The following ANTXR2 variants were observed in gnomAD, a reference collection of about 807,000 sequenced individuals.
ANTXR2 encodes the protein anthrax toxin receptor 2.
Under a neutral mutation model 73.7 loss-of-function variants are expected in ANTXR2, and 44 were observed. That is an observed-to-expected ratio of 0.60 (90% CI 0.47 to 0.77). ANTXR2 has a LOEUF of 0.77. ANTXR2 is among the 30% of genes least tolerant of loss of function. The pLI is 0.00. For missense variants in ANTXR2, 604 were observed against 592.5 expected (o/e 1.02, Z -0.20); for synonymous variants, 217 against 205.9 (o/e 1.05, Z -0.46).
At chr4:79,948,934 C>A (rs997239987) in intron 16 of ANTXR2, among the ~76,000 whole-genome samples, 13 of 152,130 alleles carry the variant, frequency 8.5e-5, no homozygotes, top group African/African-American at 2.9e-4. Flanking sequence ...ATCATCATTT[C>A]TTTGAGTCAG....
At chr4:80,000,504 A>G (rs1578143144) in intron 12 of ANTXR2, among the ~76,000 whole-genome samples, 1 of 152,110 alleles carries the variant, frequency 6.6e-6, no homozygotes, top group Non-Finnish European at 1.5e-5. Flanking sequence ...TGCCTGGTTT[A>G]CAATGATAGG....
intron 7 of ANTXR2, among the ~76,000 whole-genome samples, chr4:80,044,033 C>T (rs1488167322): frequency 6.6e-6 from 1 of 151,886 alleles, no homozygotes; most frequent in Non-Finnish European, 1.5e-5. Context: ...AGGTTGAGAA[C>T]CAACGCTAAG....
At chr4:80,013,798 A>G (rs951205730) in intron 11 of ANTXR2, among the ~76,000 whole-genome samples, 1 of 151,282 alleles carries the variant, frequency 6.6e-6, no homozygotes, top group East Asian at 1.9e-4. Flanking sequence ...TCACTACCAC[A>G]GGCAACAGGA....
At chr4:79,916,757 AT>A (rs1373181291) in intron 16 of ANTXR2, among the ~76,000 whole-genome samples, 1 of 152,132 alleles carries the variant, frequency 6.6e-6, no homozygotes, top group Non-Finnish European at 1.5e-5. Flanking sequence ...TCTATACACC[AT>A]TGTGGAGTGA....
At chr4:79,998,366 A>G (rs1011900760) in intron 12 of ANTXR2, among the ~76,000 whole-genome samples, 16 of 152,110 alleles carry the variant, frequency 1.1e-4, no homozygotes, top group Admixed American at 3.9e-4. Flanking sequence ...GCAAGTGAAC[A>G]TTTGTCATTT....
intron 3 of ANTXR2, among the ~76,000 whole-genome samples, chr4:80,062,131 A>C (rs1022794947): frequency 6.6e-6 from 1 of 152,190 alleles, no homozygotes; most frequent in African/African-American, 2.4e-5. Context: ...TGTCATTCTA[A>C]TGCCAACATA....
At chr4:79,912,886 T>C (rs146106980) in intron 16 of ANTXR2, among the ~76,000 whole-genome samples, 1 of 152,158 alleles carries the variant, frequency 6.6e-6, no homozygotes, top group African/African-American at 2.4e-5. Flanking sequence ...AAAAATATGA[T>C]ATGATTGTAA....
chr4:80,031,189 G>T (rs933844073), intron 10 of ANTXR2, among the ~76,000 whole-genome samples: 1 of 151,832 alleles, frequency 6.6e-6, no homozygotes, highest in African/African-American at 2.4e-5. Context: ...CCATGTTCTT[G>T]AGGCACTTTA....
intron 16 of ANTXR2, among the ~76,000 whole-genome samples, chr4:79,917,948 G>A (rs1428057309): frequency 2.7e-5 from 4 of 150,562 alleles, no homozygotes; most frequent in African/African-American, 9.9e-5. Context: ...AATAATAAAA[G>A]ATCTGGCAAA....
At position 80,008,536 on chromosome 4, in the gene ANTXR2, G is replaced by A. The variant is rs767048812; in HGVS notation, c.1026C>T (p.Pro342=). 1.2e-6 allele frequency: 2 copies of A among 1,606,812 alleles called. No homozygotes were observed. Among genetic ancestry groups the A allele is most frequent in the Non-Finnish European group, 1.7e-6 (2 of 1,176,844 alleles). ...TCTTACTCACCACTTTGCAGCAAAG[G>A]GGCCAAAACCACCACATCAAACCGA... The part of the protein sequence containing the change: ...LGIGLMWWFW[P]LCCKVVIKDP... The change falls in exon 12 of 17, where the codon CCC becomes CCT. Residue 342 remains proline, a synonymous_variant. Coordinates refer to ENST00000403729, the MANE Select transcript of ANTXR2 (RefSeq NM_058172.6).
At chr4:79,934,999 C>G (rs1728202940) in intron 16 of ANTXR2, among the ~76,000 whole-genome samples, 1 of 151,752 alleles carries the variant, frequency 6.6e-6, no homozygotes, top group East Asian at 1.9e-4. Flanking sequence ...TGTTAAATGA[C>G]AAGTTGATGG....
intron 3 of ANTXR2, among the ~76,000 whole-genome samples, chr4:80,057,893 A>G (rs1734068197): frequency 6.6e-6 from 1 of 152,098 alleles, no homozygotes; most frequent in Non-Finnish European, 1.5e-5. Context: ...ATTTTTCAAT[A>G]TATCATAAAA....
At position 79,905,742 on chromosome 4, in the gene ANTXR2, CACCA is replaced by C. The variant is rs553406947; in HGVS notation, c.*1683_*1686del. On this transcript the variant is annotated 3_prime_UTR_variant, in exon 17 of 17. Transcript: ENST00000403729. ...CTTGGAACAGTGCCACAAACCTGGA[CACCA>C]ACCAACAGAATACTCCCGTCCTTTG... 48 of 152,518 alleles carry C rather than the reference CACCA, an allele frequency of 3.1e-4. No individual in the cohort carries two copies. Among genetic ancestry groups the C allele is most frequent in the African/African-American group, 1.2e-3 (48 of 41,528 alleles). 9.4% of individuals were successfully genotyped at this position (152,518 alleles called of 1,614,324 possible).
At chr4:79,934,021 A>G (rs1208080327) in intron 16 of ANTXR2, among the ~76,000 whole-genome samples, 1 of 152,066 alleles carries the variant, frequency 6.6e-6, no homozygotes, top group East Asian at 1.9e-4. Context: ...TGCAGGCATG[A>G]GCCATCGCGC....
In ANTXR2 at chr4:79,907,303, G is replaced by C. The variant is rs1485220028; in HGVS notation, c.*126C>G. On this transcript the variant is annotated 3_prime_UTR_variant, in exon 17 of 17. Transcript: ENST00000403729. ...GCAGAAGGCAGAGAAAACATTTCCC[G>C]ACTGAGAGGAATTAAGCTGCTCTTC... is the stretch of plus-strand genomic sequence containing the variant. 1.1e-5 allele frequency: 11 copies of C among 1,019,122 alleles called. No homozygotes were observed. Among genetic ancestry groups the C allele is most frequent in the Non-Finnish European group, 1.6e-5 (11 of 666,798 alleles). 63.1% of individuals were successfully genotyped at this position (1,019,122 alleles called of 1,614,324 possible).
At chr4:79,929,981 A>G (rs1727994775) in intron 16 of ANTXR2, among the ~76,000 whole-genome samples, 1 of 152,236 alleles carries the variant, frequency 6.6e-6, no homozygotes, top group Non-Finnish European at 1.5e-5. Flanking sequence ...CTGAATTTAT[A>G]GATGAGGAAA....
At chr4:80,016,303 A>C (rs910587509) in intron 11 of ANTXR2, among the ~76,000 whole-genome samples, 2 of 151,832 alleles carry the variant, frequency 1.3e-5, no homozygotes, top group East Asian at 3.9e-4. Flanking sequence ...AGTCAAATGC[A>C]TCTCCTCTCA....
At chr4:79,915,575 G>T (rs941570886) in intron 16 of ANTXR2, among the ~76,000 whole-genome samples, 2 of 151,964 alleles carry the variant, frequency 1.3e-5, no homozygotes, top group African/African-American at 2.4e-5. Context: ...CTAAAAAAAG[G>T]TTACTAAACC....
Position 79,953,716 on chromosome 4 carries a change from T to C in ANTXR2, c.1428+23905A>G, listed in dbSNP as rs575515582. ...ATATTTCTTTTTTTTAAGTAAAGTA[T>C]ATAACTTTATAATTATTCTTAAGTT... On this transcript the variant is annotated intron_variant, in intron 16 of 16. Coordinates refer to ENST00000403729, the MANE Select transcript of ANTXR2 (RefSeq NM_058172.6). Among the ~76,000 whole-genome samples, 29 of 152,212 alleles carry C rather than the reference T, an allele frequency of 1.9e-4. No individual in the cohort carries two copies. The East Asian group carries it at 4.8e-3, about 25-fold the overall frequency.
Sources: gnomAD v4.1 joint callset for allele counts (sites outside exome capture counted in the v4.1 genomes callset) on GRCh38, gnomAD v4.1.1 for gene constraint, MANE v1.5 for transcripts, NCBI Gene and HGNC (gene_info 2026-07-23, HGNC 2026-07-21) for gene names.